The following WDPCP variants were observed in gnomAD, a reference collection of about 807,000 sequenced individuals.
The protein encoded by WDPCP is WD repeat containing planar cell polarity effector.
WDPCP carries 71 observed loss-of-function variants against 93.1 expected under a neutral mutation model. That is an observed-to-expected ratio of 0.76 (90% confidence interval 0.63 to 0.93). The LOEUF is 0.93. Among genes scored for constraint, WDPCP ranks in the 40% least tolerant of loss-of-function variants. The pLI is 0.00. For missense variants in WDPCP, 844 were observed against 887.4 expected, an observed-to-expected ratio of 0.95 and a Z score of 0.62; for synonymous variants, 315 against 315.0, an observed-to-expected ratio of 1.00 and a Z score of 0.00.
intron 1 of WDPCP, among the ~76,000 whole-genome samples, chr2:63,552,671 T>C (rs1054709608): frequency 9.2e-5 from 14 of 152,240 alleles, no homozygotes; most frequent in Middle Eastern, 3.4e-3. Flanking sequence ...AGAACAATAA[T>C]ACAGGATATT....
chr2:63,600,848 A>G lies in WDPCP; in HGVS notation n.488+49811T>C, dbSNP rs189689665. Among the ~76,000 whole-genome samples, 42 of 152,332 alleles carry G rather than the reference A, an allele frequency of 2.8e-4. No individual in the cohort carries two copies. The East Asian group carries it at 7.9e-3, about 29-fold the overall frequency. On this transcript the variant is annotated intron_variant and non_coding_transcript_variant, in intron 3 of 4. Coordinates refer to the WDPCP transcript ENST00000467687. The stretch of plus-strand genomic sequence containing the variant: ...AGTTGTAAAGGAAGAGATATTATAC[A>G]TGTTACAGTTGCAAACTCTGGATTG...
chr2:63,812,608 C>T (rs1205738066), intron 2 of WDPCP, among the ~76,000 whole-genome samples: 3 of 152,104 alleles, frequency 2.0e-5, no homozygotes, highest in African/African-American at 7.2e-5. Context: ...AATAGCCATT[C>T]TGCCTGTCCA....
intron 1 of WDPCP, among the ~76,000 whole-genome samples, chr2:63,824,549 A>AC (rs1474063722): frequency 6.0e-5 from 9 of 150,628 alleles, no homozygotes; most frequent in South Asian, 2.1e-4. Flanking sequence ...AAAAAAAAAA[A>AC]AAAAAAAAAA....
chr2:63,741,781 C>T (rs1377903691), intron 2 of WDPCP, among the ~76,000 whole-genome samples: 1 of 151,978 alleles, frequency 6.6e-6, no homozygotes, highest in East Asian at 1.9e-4. Context: ...CCCCTCTTAC[C>T]ACTCAGAAAA....
chr2:63,810,259 A>G (rs1253429467), intron 2 of WDPCP, among the ~76,000 whole-genome samples: 4 of 152,306 alleles, frequency 2.6e-5, no homozygotes, highest in Non-Finnish European at 5.9e-5. Context: ...TTTTATGTTG[A>G]CTACTTTCAA....
At chr2:63,729,723 C>G (rs1354519676) in intron 2 of WDPCP, among the ~76,000 whole-genome samples, 1 of 152,138 alleles carries the variant, frequency 6.6e-6, no homozygotes, top group African/African-American at 2.4e-5. Context: ...AGGCTACTCT[C>G]TCCCCCAGAC....
chr2:63,681,170 G>A (rs1436394160), intron 2 of WDPCP, among the ~76,000 whole-genome samples: 1 of 152,088 alleles, frequency 6.6e-6, no homozygotes, highest in East Asian at 1.9e-4. Flanking sequence ...AAGGAAAACT[G>A]AGGGGAACTT....
intron 14 of WDPCP, among the ~76,000 whole-genome samples, chr2:63,191,327 G>A (rs1675026546): frequency 6.6e-6 from 1 of 152,172 alleles, no homozygotes; most frequent in South Asian, 2.1e-4. Context: ...GGGAGGCGGA[G>A]CTTGCAGTGA....
At chr2:63,729,565 G>A (rs1238400701) in intron 2 of WDPCP, among the ~76,000 whole-genome samples, 1 of 152,024 alleles carries the variant, frequency 6.6e-6, no homozygotes, top group Admixed American at 6.6e-5. Context: ...CGCTTCCTCT[G>A]AACCCTGCTG....
intron 1 of WDPCP, among the ~76,000 whole-genome samples, chr2:63,523,912 A>C (rs923004347): frequency 2.6e-5 from 4 of 152,178 alleles, no homozygotes; most frequent in African/African-American, 9.7e-5. Context: ...ACTCTGTCTC[A>C]AAAAAATAAA....
At chr2:63,513,480 A>C (rs9789351) in intron 1 of WDPCP, among the ~76,000 whole-genome samples, 2 of 151,816 alleles carry the variant, frequency 1.3e-5, no homozygotes. Flanking sequence ...AGGTCTCTGA[A>C]GCAAGGTATC....
intron 17 of WDPCP, among the ~76,000 whole-genome samples, chr2:63,140,554 A>ATT (rs57591269): frequency 0.014 from 2,096 of 145,994 alleles, 55 homozygotes; most frequent in Admixed American, 0.059. Context: ...ATTCCTAAGT[A>ATT]TTTTTTTTTT....
intron 2 of WDPCP, among the ~76,000 whole-genome samples, chr2:63,727,572 G>A (rs1180939311): frequency 6.6e-6 from 1 of 152,176 alleles, no homozygotes; most frequent in East Asian, 1.9e-4. Flanking sequence ...CATAGAATGA[G>A]TTGGATAGGA....
At chr2:63,178,011 T>G (rs1673949069) in intron 14 of WDPCP, among the ~76,000 whole-genome samples, 3 of 152,200 alleles carry the variant, frequency 2.0e-5, no homozygotes, top group Non-Finnish European at 2.9e-5. Flanking sequence ...TTTCATTCTG[T>G]TAATGTGATT....
At chr2:63,139,734 T>G (rs1228754358) in intron 17 of WDPCP, among the ~76,000 whole-genome samples, 2 of 152,240 alleles carry the variant, frequency 1.3e-5, no homozygotes, top group African/African-American at 4.8e-5. Flanking sequence ...ATGTATAGAT[T>G]GTGAAGATTT....
intron 13 of WDPCP, among the ~76,000 whole-genome samples, chr2:63,274,248 C>A (rs983667866): frequency 6.6e-5 from 10 of 151,748 alleles, no homozygotes; most frequent in African/African-American, 2.4e-4. Context: ...CCTCAATGAC[C>A]CCTGAATCAA....
chr2:63,544,543 T>C (rs1052221564), intron 1 of WDPCP, among the ~76,000 whole-genome samples: 6 of 152,174 alleles, frequency 3.9e-5, no homozygotes, highest in Non-Finnish European at 7.4e-5. Flanking sequence ...TGTATTTCAA[T>C]GTCAAAATTA....
chr2:63,412,630 TG>T (rs1695100040), intron 9 of WDPCP, among the ~76,000 whole-genome samples: 1 of 152,116 alleles, frequency 6.6e-6, no homozygotes, highest in Admixed American at 6.6e-5. Flanking sequence ...CCTTGAAAAC[TG>T]TAAGTACTCC....
chr2:63,133,838 G>A (rs1670446072), intron 17 of WDPCP, among the ~76,000 whole-genome samples: 1 of 152,146 alleles, frequency 6.6e-6, no homozygotes, highest in Non-Finnish European at 1.5e-5. Context: ...CCAAGACAAC[G>A]GCTGGGGAGG....
Sources: gnomAD v4.1 joint callset for allele counts (sites outside exome capture counted in the v4.1 genomes callset) on GRCh38, gnomAD v4.1.1 for gene constraint, MANE v1.5 for transcripts, NCBI Gene and HGNC (gene_info 2026-07-23, HGNC 2026-07-21) for gene names.